Variants in CACNA1A observed in about 807,000 individuals in gnomAD.
CACNA1A encodes calcium voltage-gated channel subunit alpha1 A.
A neutral mutation model predicts 262.4 loss-of-function variants in CACNA1A; 57 were observed. The ratio of observed to expected loss-of-function variants is 0.22; its 90% CI spans 0.18 to 0.27. The LOEUF is 0.27. Ranked by LOEUF, CACNA1A falls within the 10% of genes least tolerant of loss-of-function variation. The pLI is 1.00. For synonymous variants in CACNA1A, 1,431 were observed against 1,419.3 expected, an observed-to-expected ratio of 1.01 and a Z score of -0.18; for missense variants, 2,526 against 3,562.8, an observed-to-expected ratio of 0.71 and a Z score of 7.41.
chr19:13,303,275 T>C (rs1359159686), intron 17 of CACNA1A, among the ~76,000 whole-genome samples: 1 of 152,194 alleles, frequency 6.6e-6, no homozygotes, highest in East Asian at 1.9e-4. Flanking sequence ...GTAAACGGCC[T>C]TTTGGTTGAG....
chr19:13,404,365 T>A (rs1045035167), intron 3 of CACNA1A, among the ~76,000 whole-genome samples: 5 of 152,070 alleles, frequency 3.3e-5, no homozygotes, highest in Non-Finnish European at 4.4e-5. Context: ...AACAGTGTGT[T>A]CCAGTCAAAA....
intron 1 of CACNA1A, among the ~76,000 whole-genome samples, chr19:13,464,633 C>G (rs1306517785): frequency 6.6e-6 from 1 of 150,788 alleles, no homozygotes; most frequent in Non-Finnish European, 1.5e-5. Context: ...ACTGCAAGCT[C>G]CGCCTCCCAG....
intron 24 of CACNA1A, among the ~76,000 whole-genome samples, chr19:13,266,765 G>A (rs548147819): frequency 2.6e-4 from 39 of 152,026 alleles, no homozygotes; most frequent in Non-Finnish European, 5.1e-4. Flanking sequence ...AGTAGAGATG[G>A]GGTTTCACCA....
intron 38 of CACNA1A, 39 bp downstream of exon 38, chr19:13,224,626 CCT>C (rs1297971187): frequency 7.1e-7 from 1 of 1,401,978 alleles, no homozygotes. Flanking sequence ...CCGGTTCCAC[CCT>C]GTCACGCCTG....
intron 34 of CACNA1A, among the ~76,000 whole-genome samples, chr19:13,233,951 T>C (rs1479975352): frequency 1.3e-5 from 2 of 151,504 alleles, no homozygotes; most frequent in Admixed American, 1.3e-4. Context: ...CTGCCTGGCA[T>C]GCTGTAGGTG....
At chr19:13,254,653 C>T (rs762410922) in intron 29 of CACNA1A, among the ~76,000 whole-genome samples, 7 of 152,154 alleles carry the variant, frequency 4.6e-5, no homozygotes, top group African/African-American at 7.2e-5. Context: ...TGAGCCACCG[C>T]GCCCAGCCCC....
At chr19:13,347,695 T>C (rs1222438897) in intron 6 of CACNA1A, among the ~76,000 whole-genome samples, 1 of 152,206 alleles carries the variant, frequency 6.6e-6, no homozygotes, top group Non-Finnish European at 1.5e-5. Context: ...GATCACTGGC[T>C]TTCCCCACCA....
intron 10 of CACNA1A, among the ~76,000 whole-genome samples, chr19:13,321,025 CTTTTTTT>C (rs55792271): frequency 2.9e-5 from 4 of 135,940 alleles, no homozygotes; most frequent in Non-Finnish European, 1.6e-5. Flanking sequence ...TGTTCTTTTC[CTTTTTTT>C]TTTTTTTTCT....
At chr19:13,221,549 C>T (rs1018103873) in intron 38 of CACNA1A, among the ~76,000 whole-genome samples, 3 of 151,808 alleles carry the variant, frequency 2.0e-5, no homozygotes, top group East Asian at 2.0e-4. Context: ...GGCAATTGTG[C>T]GCCTGTCTCT....
intron 1 of CACNA1A, among the ~76,000 whole-genome samples, chr19:13,486,818 CTCTG>C (rs1003109736): frequency 4.8e-4 from 73 of 152,004 alleles, no homozygotes; most frequent in African/African-American, 1.8e-3. Flanking sequence ...CCCCTTCCAT[CTCTG>C]TCTCTTTCTC....
In CACNA1A at chr19:13,207,720, G is replaced by C. The variant is rs1356187357; in HGVS notation, c.7114C>G (p.Pro2372Ala). The change falls in exon 47 of 47, where the codon CCA (proline) becomes GCA (alanine). Residue 2372 changes from proline to alanine, a missense_variant. Physicochemically the swap from Pro to Ala is conservative, Grantham distance 27 (BLOSUM62 -1). Transcript: ENST00000360228. This position sits in a 1 kb window ranked among gnomAD's most constrained non-coding sequence, Gnocchi z 5.7. ...GRSPRMERRV[P>A]GPARSESPRA... ...GGGGACTCGCTCCGGGCCGGGCCTG[G>C]GACCCGCCTCTCCATCCTGGGCGAG... 7.3e-7 allele frequency: 1 copy of C among 1,361,756 alleles called. No homozygotes were observed. Among genetic ancestry groups the C allele is most frequent in the Admixed American group, 3.7e-5 (1 of 27,232 alleles). The allele number at this position is 1,361,756 out of a possible 1,614,324, so 84.4% of individuals were successfully genotyped here. A position where few individuals can be genotyped will look rare whatever the true frequency, so the allele number is the denominator to read the frequency against.
Position 13,417,680 on chromosome 19 carries a change from A to G in CACNA1A, c.539+35196T>C, listed in dbSNP as rs985885007. ...GAGGCGGGTGGATCACAACAAGGTC[A>G]GGAGATCGAGACCAGCCTGGCCCAC... On this transcript the variant is annotated intron_variant, in intron 3 of 46. Transcript: ENST00000360228. 2.0e-5 allele frequency among the ~76,000 whole-genome samples: 3 copies of G among 152,184 alleles called. No individual in the cohort carries two copies. The East Asian group carries it at 5.8e-4, about 29-fold the overall frequency.
intron 38 of CACNA1A, among the ~76,000 whole-genome samples, chr19:13,223,556 C>CT (rs1249570577): frequency 6.6e-6 from 1 of 152,192 alleles, no homozygotes; most frequent in African/African-American, 2.4e-5. Context: ...CACTGGCCTC[C>CT]TTTCGGTCTC....
chr19:13,464,626 G>A (rs998454061), intron 1 of CACNA1A, among the ~76,000 whole-genome samples: 27 of 146,630 alleles, frequency 1.8e-4, no homozygotes, highest in African/African-American at 6.9e-4. Context: ...TCGGCTCACT[G>A]CAAGCTCCGC....
intron 3 of CACNA1A, among the ~76,000 whole-genome samples, chr19:13,421,720 C>A (rs764328853): frequency 2.0e-5 from 3 of 152,096 alleles, no homozygotes; most frequent in Non-Finnish European, 4.4e-5. Context: ...CATCAGACAC[C>A]AAATCTGTCA....
At chr19:13,404,855 A>G (rs1477920161) in intron 3 of CACNA1A, among the ~76,000 whole-genome samples, 2 of 152,162 alleles carry the variant, frequency 1.3e-5, no homozygotes, top group African/African-American at 2.4e-5. Flanking sequence ...AAGGAGTGAG[A>G]GACTGTTAGT....
chr19:13,233,791 C>A (rs2055757687), intron 34 of CACNA1A, among the ~76,000 whole-genome samples: 1 of 152,146 alleles, frequency 6.6e-6, no homozygotes. Flanking sequence ...GCACCTGGCC[C>A]TATTCCCCTT....
chr19:13,224,598 G>C lies in CACNA1A; in HGVS notation c.5731+69C>G, dbSNP rs568271411. The stretch of plus-strand genomic sequence containing the variant: ...TGGTGACAGCAGATCCTCTAGTTTG[G>C]GGTAGGGAGGGAGATCCCCGGTTCC... On this transcript the variant is annotated intron_variant, in intron 38 of 46. Coordinates refer to ENST00000360228, the MANE Select transcript of CACNA1A (RefSeq NM_001127222.2). 4.3e-5 allele frequency: 43 copies of C among 1,005,328 alleles called. No homozygotes were observed. In the South Asian group the frequency reaches 5.2e-4, roughly 12 times the overall value. The allele number at this position is 1,005,328 out of a possible 1,614,324, so 62.3% of individuals were successfully genotyped here.
intron 6 of CACNA1A, among the ~76,000 whole-genome samples, chr19:13,340,713 C>T (rs10407681): frequency 0.017 from 2,514 of 152,274 alleles, 74 homozygotes; most frequent in African/African-American, 0.058. Flanking sequence ...AGGTGTGAGC[C>T]ATCACGCCTG....
Sources: gnomAD v4.1 joint callset for allele counts (sites outside exome capture counted in the v4.1 genomes callset) on GRCh38, gnomAD v4.1.1 for gene constraint, Gnocchi (gnomAD v3.1) non-coding constraint, MANE v1.5 for transcripts, NCBI Gene and HGNC (gene_info 2026-07-23, HGNC 2026-07-21) for gene names.